The following GOLT1B variants were observed in gnomAD, a reference collection of about 807,000 sequenced individuals.
The protein encoded by GOLT1B is vesicle transport protein GOT1B.
A neutral mutation model predicts 15.4 loss-of-function variants in GOLT1B; 3 were observed. That is an observed-to-expected ratio of 0.19 (90% CI 0.09 to 0.50). The LOEUF is 0.50. Among genes scored for constraint, GOLT1B ranks in the 20% least tolerant of loss-of-function variants. GOLT1B has a pLI of 0.97. For synonymous variants in GOLT1B, 65 were observed against 56.2 expected (o/e 1.16, Z -0.70); for missense variants, 145 against 160.4 (o/e 0.90, Z 0.52).
chr12:21,511,230 C>T (rs994441903), intron 3 of GOLT1B, among the ~76,000 whole-genome samples: 1 of 151,980 alleles, frequency 6.6e-6, no homozygotes, highest in African/African-American at 2.4e-5. Flanking sequence ...TCACAGAGCT[C>T]AAGGAAACAC....
intron 4 of GOLT1B, 135 bp from the exon 5 acceptor site, chr12:21,515,534 A>G (rs371632329): frequency 1.4e-5 from 9 of 647,584 alleles, no homozygotes; most frequent in Admixed American, 9.1e-5. Flanking sequence ...TGGATTAGTC[A>G]TTGTCAGTCA....
intron 2 of GOLT1B, chr12:21,508,014 G>A (rs1943691915): frequency 4.5e-6 from 2 of 447,190 alleles, no homozygotes; most frequent in East Asian, 7.1e-5. Context: ...TTTATGGGCA[G>A]CTTTCCTCTT....
rs1210223121 is a variant in GOLT1B at position 21,517,159 on chromosome 12, C to A, written c.*1452C>A. ...CAAACATGTCTACAAAAATAGATTA[C>A]AGCTTATTTTATTTTTAGTTAAATC... is the stretch of plus-strand genomic sequence containing the variant. On this transcript the variant is annotated 3_prime_UTR_variant, in exon 5 of 5. Transcript: ENST00000229314. 6.6e-6 allele frequency: 1 copy of A among 152,314 alleles called. No homozygotes were observed. Among genetic ancestry groups the A allele is most frequent in the Non-Finnish European group, 1.5e-5 (1 of 67,860 alleles). 9.4% of individuals were successfully genotyped at this position (152,314 alleles called of 1,614,324 possible).
chr12:21,511,173 G>A (rs1292249370), intron 3 of GOLT1B, among the ~76,000 whole-genome samples: 1 of 152,174 alleles, frequency 6.6e-6, no homozygotes, highest in Non-Finnish European at 1.5e-5. Flanking sequence ...TCTAAGTTGG[G>A]GTTCCCACGA....
intron 3 of GOLT1B, among the ~76,000 whole-genome samples, chr12:21,511,312 G>T (rs559665718): frequency 6.6e-6 from 1 of 152,178 alleles, no homozygotes; most frequent in Non-Finnish European, 1.5e-5. Flanking sequence ...GCAAGGAAAG[G>T]GGGGAGGGTC....
chr12:21,508,482 G>T lies in GOLT1B; in HGVS notation c.217G>T (p.Gly73Cys). 6.3e-7 allele frequency: 1 copy of T among 1,587,058 alleles called. No individual in the cohort carries two copies. Among genetic ancestry groups the T allele is most frequent in the Non-Finnish European group, 8.6e-7 (1 of 1,157,648 alleles). Reference sequence around the variant, plus strand: ...AATGAAAGCTACAGGTTTTTTTCTGGGTGGTGTATTTGTAGTCCTTATTGG... The same window carrying T: ...AATGAAAGCTACAGGTTTTTTTCTGTGTGGTGTATTTGTAGTCCTTATTGG... ...HKMKATGFFL[G>C]GVFVVLIGWP... is the part of the protein sequence containing the mutation. The change falls in exon 3 of 5, where the codon GGT becomes TGT. Residue 73 changes from glycine (G) to cysteine (C), a missense_variant. Gly to Cys is a radical substitution (Grantham distance 159). Transcript: ENST00000229314.
At chr12:21,508,332 A>G in intron 2 of GOLT1B, 51 bp from the exon 3 acceptor site, 1 of 1,058,596 alleles carries the variant, frequency 9.4e-7, no homozygotes, top group Non-Finnish European at 1.4e-6. Flanking sequence ...TTTAAAATTT[A>G]TGCATTGTGT....
Position 21,509,396 on chromosome 12 carries a change from C to CA in GOLT1B, c.296+863dup, listed in dbSNP as rs71053318. Reference sequence around the variant, plus strand: ...TAGGCAATAGAGCGAGACTCTGTCTCAAAAAAAAAAAAAAAAAAAAAAAAA... The same window carrying CA: ...TAGGCAATAGAGCGAGACTCTGTCTCAAAAAAAAAAAAAAAAAAAAAAAAAA... On this transcript the variant is annotated intron_variant, in intron 3 of 4. Coordinates refer to ENST00000229314, the MANE Select transcript of GOLT1B (RefSeq NM_016072.5). Among the ~76,000 whole-genome samples the CA allele has an allele frequency of 4.6e-4, 34 of 74,030 alleles. 4 individuals are homozygous for CA. In the East Asian group the frequency reaches 5.9e-3, roughly 13 times the overall value. 48.6% of individuals were successfully genotyped at this position (74,030 alleles called of 152,430 possible).
rs542472276 is a variant in GOLT1B, at chr12:21,516,454, G to C, written c.*747G>C. The C allele has an allele frequency of 6.6e-6, 1 of 151,918 alleles. No homozygotes were observed. Among genetic ancestry groups the C allele is most frequent in the Admixed American group, 6.6e-5 (1 of 15,244 alleles). 9.4% of individuals were successfully genotyped at this position (151,918 alleles called of 1,614,324 possible). On this transcript the variant is annotated 3_prime_UTR_variant, in exon 5 of 5. Transcript: ENST00000229314. ...AGTATCTGTCTATATCATTCATTAC[G>C]TGTAAGTATTTAACAAAAAAGCATT...
intron 2 of GOLT1B, chr12:21,508,082 A>G: frequency 2.5e-6 from 1 of 403,026 alleles, no homozygotes; most frequent in Admixed American, 3.5e-5. Flanking sequence ...AAAACTAGGA[A>G]AACTACTGCA....
rs762824979 is a variant in GOLT1B at position 21,508,410 on chromosome 12, G to T, written c.145G>T (p.Val49Leu). The T allele has an allele frequency of 6.4e-7, 1 of 1,571,894 alleles. No homozygotes were observed. The highest frequency in any genetic ancestry group is 2.3e-5 in the East Asian group (1 of 43,128). ...TTTATTTGTAGCCGGCTTGGCTTTT[G>T]TAATTGGTTTAGAAAGAACATTCAG... ...NVLFVAGLAF[V>L]IGLERTFRFF... is the part of the protein sequence containing the mutation. Residue 49 changes from valine (V) to leucine (L), a missense_variant, in exon 3 of 5, where the codon GTA (valine) becomes TTA (leucine). Coordinates refer to ENST00000229314, the MANE Select transcript of GOLT1B (RefSeq NM_016072.5).
At chr12:21,514,686 G>T (rs922282111) in intron 4 of GOLT1B, among the ~76,000 whole-genome samples, 4 of 152,164 alleles carry the variant, frequency 2.6e-5, no homozygotes, top group Admixed American at 1.3e-4. Flanking sequence ...ACAGTGGTCA[G>T]TGTTATTTAT....
chr12:21,503,002 C>G (rs1339319529), intron 1 of GOLT1B, among the ~76,000 whole-genome samples: 1 of 152,204 alleles, frequency 6.6e-6, no homozygotes, highest in East Asian at 1.9e-4. Context: ...CACAGAGCTT[C>G]TAAGGCCTCC....
At chr12:21,512,259 T>C (rs1396168667) in intron 3 of GOLT1B, 36 bp from the exon 4 acceptor site, 1 of 991,092 alleles carries the variant, frequency 1.0e-6, no homozygotes, top group Non-Finnish European at 1.6e-6. Flanking sequence ...ATAGAAAATG[T>C]GTAAATATTA....
intron 1 of GOLT1B, 48 bp downstream of exon 1, chr12:21,501,996 G>T: frequency 7.1e-7 from 1 of 1,402,830 alleles, no homozygotes; most frequent in Non-Finnish European, 1.0e-6. Context: ...CACACCCATC[G>T]CCCGGCTGGG....
intron 1 of GOLT1B, among the ~76,000 whole-genome samples, chr12:21,502,561 G>T (rs1943641285): frequency 6.6e-6 from 1 of 152,130 alleles, no homozygotes; most frequent in South Asian, 2.1e-4. Context: ...AAGCCACTTT[G>T]TGTGCCATTA....
chr12:21,512,182 A>T, intron 3 of GOLT1B, 113 bp from the exon 4 acceptor site: 1 of 656,690 alleles, frequency 1.5e-6, no homozygotes, highest in Non-Finnish European at 2.7e-6. Context: ...CTAAGTTTGA[A>T]GACCCTCAAT....
In GOLT1B at chr12:21,515,677, TA is replaced by T; in HGVS notation, c.390del (p.Val131LeufsTer12). The stretch of plus-strand genomic sequence containing the variant: ...TTTTCTTCTCCTTACAGTTTGTAGA[TA>T]AAGTTGGAGAAAGCAACAATATGGT... Reference protein sequence around the residue: ...NLPGIRSFVDKVGESNNMV With the variant: ...NLPGIRSFVDXVGESNNMV On this transcript the variant is annotated frameshift_variant, in exon 5 of 5. Coordinates refer to ENST00000229314, the MANE Select transcript of GOLT1B (RefSeq NM_016072.5). LOFTEE classifies it high-confidence loss of function. The T allele has an allele frequency of 7.2e-7, 1 of 1,381,546 alleles. No homozygotes were observed. Among genetic ancestry groups the T allele is most frequent in the Non-Finnish European group, 1.0e-6 (1 of 978,324 alleles). 85.6% of individuals were successfully genotyped at this position (1,381,546 alleles called of 1,614,324 possible). A position where few individuals can be genotyped will look rare whatever the true frequency, so the allele number is the denominator to read the frequency against.
chr12:21,514,745 A>G (rs1322905928), intron 4 of GOLT1B, among the ~76,000 whole-genome samples: 1 of 152,176 alleles, frequency 6.6e-6, no homozygotes, highest in Non-Finnish European at 1.5e-5. Context: ...ACAGAGTTGT[A>G]ATCATTATTT....
Sources: allele counts gnomAD v4.1 joint callset (sites outside exome capture counted in the v4.1 genomes callset), GRCh38; gene constraint gnomAD v4.1.1; transcripts MANE v1.5; gene names NCBI Gene and HGNC (gene_info 2026-07-23, HGNC 2026-07-21).